RBFOX1: variants seen among roughly 807,000 people sequenced by gnomAD.
RBFOX1 encodes the protein RNA binding fox-1 homolog 1, also known as RNA binding protein fox-1 homolog 1.
Under a neutral mutation model 57.7 loss-of-function variants are expected in RBFOX1, and 8 were observed. The observed-to-expected ratio is 0.14, with a 90% CI of 0.08 to 0.25. The LOEUF (loss-of-function observed/expected upper bound fraction) is 0.25, where lower values mean the gene tolerates loss of function less well. RBFOX1 is among the 10% of genes least tolerant of loss of function. The probability of loss-of-function intolerance (pLI) is 1.00; values close to 1 mark genes in which losing one functional copy is unlikely to be tolerated. For missense variants in RBFOX1, 611 were observed against 548.5 expected (o/e 1.11, Z -1.14); for synonymous variants, 326 against 222.4 (o/e 1.47, Z -4.15).
chr16:7,206,555 T>C (rs952851542), intron 4 of RBFOX1, among the ~76,000 whole-genome samples: 2 of 151,986 alleles, frequency 1.3e-5, no homozygotes, highest in Non-Finnish European at 2.9e-5. Flanking sequence ...TGCAATACCA[T>C]TCCCTCTGCC....
intron 4 of RBFOX1, among the ~76,000 whole-genome samples, chr16:7,309,385 C>G (rs929682479): frequency 6.6e-6 from 1 of 152,200 alleles, no homozygotes; most frequent in Admixed American, 6.5e-5. Flanking sequence ...ATTACTTAAT[C>G]CAACAATCAC....
intron 7 of RBFOX1, among the ~76,000 whole-genome samples, chr16:7,590,945 C>A (rs2094414464): frequency 6.6e-6 from 1 of 151,642 alleles, no homozygotes; most frequent in African/African-American, 2.4e-5. Context: ...TTCATGAGAG[C>A]CAACCATGAG....
At chr16:6,846,202 C>A (rs1236864335) in intron 3 of RBFOX1, among the ~76,000 whole-genome samples, 1 of 152,192 alleles carries the variant, frequency 6.6e-6, no homozygotes, top group Non-Finnish European at 1.5e-5. Context: ...AGACTGAGGA[C>A]TTGGGAAGGG....
chr16:6,601,260 C>G (rs112159700), intron 2 of RBFOX1, among the ~76,000 whole-genome samples: 69 of 152,194 alleles, frequency 4.5e-4, no homozygotes, highest in African/African-American at 1.6e-3. Flanking sequence ...ATAATTCCAA[C>G]TAGGGCTATA....
At chr16:6,536,958 C>T (rs2096743626) in intron 2 of RBFOX1, among the ~76,000 whole-genome samples, 1 of 152,136 alleles carries the variant, frequency 6.6e-6, no homozygotes, top group Non-Finnish European at 1.5e-5. Context: ...TAATACTCTA[C>T]TAGTCTAAGG....
chr16:5,900,021 T>C (rs777946414), intron 4 of RBFOX1, among the ~76,000 whole-genome samples: 1 of 152,168 alleles, frequency 6.6e-6, no homozygotes, highest in Non-Finnish European at 1.5e-5. Context: ...GAGGTTGCAG[T>C]GAGCCGAGAT....
chr16:7,710,774 T>C lies in RBFOX1; in HGVS notation c.*29T>C. ...ACAAAACCATAAAAACCTTCCAATG[T>C]GGGGAGAAAGGAAGCTTTCCGAGGC... On this transcript the variant is annotated 3_prime_UTR_variant, in exon 16 of 16. Coordinates refer to ENST00000550418, the MANE Select transcript of RBFOX1 (RefSeq NM_018723.4). 1 of 1,516,582 alleles carries C rather than the reference T, an allele frequency of 6.6e-7. No individual in the cohort carries two copies. Among genetic ancestry groups the C allele is most frequent in the Non-Finnish European group, 8.8e-7 (1 of 1,130,976 alleles). The allele number at this position is 1,516,582 out of a possible 1,614,324, so 93.9% of individuals were successfully genotyped here. A position where few individuals can be genotyped will look rare whatever the true frequency, so the allele number is the denominator to read the frequency against.
At chr16:6,440,456 G>C (rs2094352518) in intron 2 of RBFOX1, among the ~76,000 whole-genome samples, 1 of 152,056 alleles carries the variant, frequency 6.6e-6, no homozygotes, top group Non-Finnish European at 1.5e-5. Flanking sequence ...TCTGGCCTAT[G>C]GTATTTAGGC....
chr16:5,810,504 T>C (rs894240885), intron 3 of RBFOX1, among the ~76,000 whole-genome samples: 1 of 152,140 alleles, frequency 6.6e-6, no homozygotes, highest in Non-Finnish European at 1.5e-5. Context: ...AGCAAACTAA[T>C]ACACAGGCGA....
At chr16:5,271,201 A>G (rs2151123211) in intron 1 of RBFOX1, among the ~76,000 whole-genome samples, 1 of 152,294 alleles carries the variant, frequency 6.6e-6, no homozygotes, top group South Asian at 2.1e-4. Flanking sequence ...AAAGAAAAAA[A>G]AAAGTATCCA....
At chr16:6,472,642 T>C (rs1009373766) in intron 2 of RBFOX1, among the ~76,000 whole-genome samples, 2 of 151,914 alleles carry the variant, frequency 1.3e-5, no homozygotes, top group Non-Finnish European at 1.5e-5. Context: ...TTTTTTTTTT[T>C]CAATGGAATC....
chr16:5,709,928 C>G (rs1483184806), intron 3 of RBFOX1, among the ~76,000 whole-genome samples: 1 of 136,322 alleles, frequency 7.3e-6, no homozygotes, highest in Non-Finnish European at 1.5e-5. Context: ...CATTATTGCC[C>G]TTGGCTTCAG....
At chr16:5,866,368 C>T (rs1289141337) in intron 3 of RBFOX1, among the ~76,000 whole-genome samples, 1 of 152,202 alleles carries the variant, frequency 6.6e-6, no homozygotes, top group African/African-American at 2.4e-5. Context: ...TCTCCAAATA[C>T]AATCACAGTG....
intron 3 of RBFOX1, among the ~76,000 whole-genome samples, chr16:6,662,913 A>T (rs1226840276): frequency 3.3e-5 from 5 of 152,246 alleles, no homozygotes; most frequent in Non-Finnish European, 7.3e-5. Context: ...TTGAGAACAG[A>T]AACAATTTAA....
chr16:5,430,520 C>T (rs151293349), intron 1 of RBFOX1, among the ~76,000 whole-genome samples: 12 of 152,216 alleles, frequency 7.9e-5, no homozygotes, highest in Admixed American at 3.3e-4. Flanking sequence ...CACCCAGGAA[C>T]GGAAGGAGCA....
At chr16:7,299,666 T>C (rs1369560338) in intron 4 of RBFOX1, among the ~76,000 whole-genome samples, 2 of 152,174 alleles carry the variant, frequency 1.3e-5, no homozygotes, top group African/African-American at 2.4e-5. Context: ...GTCTGAGAAA[T>C]GGAGCTTCTG....
At chr16:6,188,599 G>A (rs2097122522) in intron 1 of RBFOX1, among the ~76,000 whole-genome samples, 1 of 152,052 alleles carries the variant, frequency 6.6e-6, no homozygotes, top group Non-Finnish European at 1.5e-5. Context: ...TACATTTTCT[G>A]CTAACTCCTT....
chr16:7,078,052 G>C (rs2058579884), intron 4 of RBFOX1, among the ~76,000 whole-genome samples: 1 of 152,168 alleles, frequency 6.6e-6, no homozygotes, highest in Non-Finnish European at 1.5e-5. Context: ...CACCTTTTGA[G>C]ATTTTCCTGC....
intron 1 of RBFOX1, among the ~76,000 whole-genome samples, chr16:5,438,955 G>A (rs900037994): frequency 1.3e-5 from 2 of 151,256 alleles, no homozygotes; most frequent in Non-Finnish European, 2.9e-5. Context: ...AGGTGGTAAG[G>A]AGGTAACAAG....
Sources: allele counts gnomAD v4.1 joint callset (sites outside exome capture counted in the v4.1 genomes callset), GRCh38; gene constraint gnomAD v4.1.1; transcripts MANE v1.5; gene names NCBI Gene and HGNC (gene_info 2026-07-23, HGNC 2026-07-21).